Variants in PRKN observed in about 807,000 individuals in gnomAD.
PRKN encodes the protein E3 ubiquitin-protein ligase parkin.
Under a neutral mutation model 59.5 loss-of-function variants are expected in PRKN, and 56 were observed. The ratio of observed to expected loss-of-function variants is 0.94; its 90% CI spans 0.76 to 1.18. The LOEUF (loss-of-function observed/expected upper bound fraction) is 1.18. Ranked by LOEUF, PRKN falls within the 50% of genes most tolerant of loss-of-function variation. The pLI is 0.00. For missense variants in PRKN, 657 were observed against 596.4 expected, an observed-to-expected ratio of 1.10 and a Z score of -1.06; for synonymous variants, 250 against 222.1, an observed-to-expected ratio of 1.13 and a Z score of -1.12.
chr6:162,290,521 T>C (rs1291072429), intron 2 of PRKN, among the ~76,000 whole-genome samples: 1 of 152,164 alleles, frequency 6.6e-6, no homozygotes, highest in Non-Finnish European at 1.5e-5. Flanking sequence ...ATGTTAAATG[T>C]CAGATTAAGA....
chr6:162,645,734 G>A (rs960761537), intron 1 of PRKN, among the ~76,000 whole-genome samples: 1 of 152,096 alleles, frequency 6.6e-6, no homozygotes, highest in Non-Finnish European at 1.5e-5. Context: ...TGATGAGATT[G>A]TTTGATAGCC....
intron 1 of PRKN, among the ~76,000 whole-genome samples, chr6:162,646,267 A>G (rs1201366212): frequency 3.9e-5 from 3 of 76,230 alleles, no homozygotes; most frequent in African/African-American, 2.0e-4. Context: ...ATTAAAATAC[A>G]AAGTTTTTTT....
chr6:162,630,624 T>C (rs551757506), intron 1 of PRKN, among the ~76,000 whole-genome samples: 2 of 152,256 alleles, frequency 1.3e-5, no homozygotes, highest in Admixed American at 1.3e-4. Context: ...GTATACAGCA[T>C]TCACAATCAG....
chr6:161,375,909 C>T (rs1055305175), intron 10 of PRKN, among the ~76,000 whole-genome samples: 6 of 152,198 alleles, frequency 3.9e-5, no homozygotes, highest in Non-Finnish European at 8.8e-5. Flanking sequence ...GTCATGGATT[C>T]AAGAGAAGTG....
At chr6:162,316,401 C>T (rs1782755357) in intron 2 of PRKN, among the ~76,000 whole-genome samples, 1 of 152,056 alleles carries the variant, frequency 6.6e-6, no homozygotes, top group Non-Finnish European at 1.5e-5. Flanking sequence ...CTAAACTGAA[C>T]ATTCTGGTAA....
intron 4 of PRKN, among the ~76,000 whole-genome samples, chr6:162,137,815 A>G (rs928594626): frequency 3.9e-5 from 6 of 152,234 alleles, no homozygotes; most frequent in Non-Finnish European, 1.5e-5. Flanking sequence ...TAAAGGTCCC[A>G]TCTCTTCACA....
intron 6 of PRKN, among the ~76,000 whole-genome samples, chr6:161,849,499 C>T (rs1793337213): frequency 6.6e-6 from 1 of 152,048 alleles, no homozygotes. Flanking sequence ...TTTGCCGAAA[C>T]CCACCCTGGC....
intron 4 of PRKN, among the ~76,000 whole-genome samples, chr6:162,092,956 C>T (rs1259063615): frequency 6.6e-6 from 1 of 152,200 alleles, no homozygotes; most frequent in Non-Finnish European, 1.5e-5. Context: ...ATGTCTGCCT[C>T]ACGCTTAGCT....
At chr6:162,450,697 A>T (rs1188655075) in intron 1 of PRKN, among the ~76,000 whole-genome samples, 1 of 152,202 alleles carries the variant, frequency 6.6e-6, no homozygotes, top group Non-Finnish European at 1.5e-5. Flanking sequence ...CCTGGCCAGC[A>T]CTGCGCAAAC....
chr6:162,634,629 G>A (rs1193411259), intron 1 of PRKN, among the ~76,000 whole-genome samples: 2 of 152,164 alleles, frequency 1.3e-5, no homozygotes, highest in Non-Finnish European at 2.9e-5. Flanking sequence ...TGCTGTTGTT[G>A]CTGTTATTGT....
intron 4 of PRKN, among the ~76,000 whole-genome samples, chr6:162,178,238 T>C (rs1207110821): frequency 6.6e-6 from 1 of 152,234 alleles, no homozygotes; most frequent in African/African-American, 2.4e-5. Context: ...TTGTGGATTG[T>C]CAAACCCTTA....
intron 4 of PRKN, among the ~76,000 whole-genome samples, chr6:162,090,564 G>A (rs1356239609): frequency 6.6e-6 from 1 of 151,958 alleles, no homozygotes; most frequent in African/African-American, 2.4e-5. Context: ...ATTCTCTTAT[G>A]GTCTAGTGAT....
intron 6 of PRKN, among the ~76,000 whole-genome samples, chr6:161,819,517 A>G (rs1341114181): frequency 6.6e-6 from 1 of 152,150 alleles, no homozygotes; most frequent in Non-Finnish European, 1.5e-5. Context: ...AAATAATAGC[A>G]AATAATGAGC....
intron 3 of PRKN, among the ~76,000 whole-genome samples, chr6:162,251,817 A>G (rs919786472): frequency 6.6e-6 from 1 of 152,154 alleles, no homozygotes; most frequent in African/African-American, 2.4e-5. Context: ...AATATTCTCA[A>G]CATCATCTTC....
chr6:162,529,206 TG>T (rs1325704843), intron 1 of PRKN, among the ~76,000 whole-genome samples: 1 of 152,166 alleles, frequency 6.6e-6, no homozygotes. Flanking sequence ...ACATTTATAC[TG>T]ATTAGTTTAA....
intron 1 of PRKN, among the ~76,000 whole-genome samples, chr6:162,475,665 T>C (rs546918866): frequency 3.3e-5 from 5 of 152,284 alleles, no homozygotes; most frequent in South Asian, 4.1e-4. Context: ...GCGTGTGCAA[T>C]GCGGCTAGCT....
chr6:162,564,332 A>G (rs1052970112), intron 1 of PRKN, among the ~76,000 whole-genome samples: 16 of 151,938 alleles, frequency 1.1e-4, no homozygotes, highest in African/African-American at 3.9e-4. Flanking sequence ...CAATAGAGCA[A>G]GACTCCATCT....
intron 3 of PRKN, among the ~76,000 whole-genome samples, chr6:162,247,519 C>T (rs938612915): frequency 4.6e-5 from 7 of 152,006 alleles, no homozygotes; most frequent in Non-Finnish European, 8.8e-5. Flanking sequence ...TTTTGATTGG[C>T]TTATTTGTGA....
chr6:161,929,964 T>G (rs1779111977), intron 6 of PRKN, among the ~76,000 whole-genome samples: 1 of 152,248 alleles, frequency 6.6e-6, no homozygotes, highest in Non-Finnish European at 1.5e-5. Context: ...CCCTTTGCCT[T>G]GCACAGACTG....
Sources: gnomAD v4.1 joint callset for allele counts (sites outside exome capture counted in the v4.1 genomes callset) on GRCh38, gnomAD v4.1.1 for gene constraint, MANE v1.5 for transcripts, NCBI Gene and HGNC (gene_info 2026-07-23, HGNC 2026-07-21) for gene names.